CDH3: variants seen among roughly 807,000 people sequenced by gnomAD.
CDH3 encodes the protein cadherin-3.
CDH3 carries 54 observed loss-of-function variants against 82.0 expected under a neutral mutation model. The observed-to-expected ratio is 0.66, with a 90% CI of 0.53 to 0.83. CDH3 has a LOEUF of 0.83. CDH3 is among the 40% of genes least tolerant of loss of function. The pLI is 0.00. For missense variants in CDH3, 1,054 were observed against 1,084.6 expected (o/e 0.97, Z 0.40); for synonymous variants, 446 against 437.9 (o/e 1.02, Z -0.23).
At chr16:68,664,744 G>A (rs1050089421) in intron 2 of CDH3, among the ~76,000 whole-genome samples, 1 of 151,982 alleles carries the variant, frequency 6.6e-6, no homozygotes, top group Non-Finnish European at 1.5e-5. Flanking sequence ...CTGCAGCCTT[G>A]ATCTCCCAGG....
In CDH3 at chr16:68,698,180, T is replaced by C. The variant is rs1353474312; in HGVS notation, c.2281-11T>C. ...CCGCCGCTCCTAACTACCTGTTCTC[T>C]GTTGCCGCAGAACCTGAAGGCGGCT... On this transcript the variant is annotated splice_polypyrimidine_tract_variant and intron_variant, in intron 15 of 15. Transcript: ENST00000264012. The C allele has an allele frequency of 6.2e-7, 1 of 1,613,988 alleles. No homozygotes were observed. Among genetic ancestry groups the C allele is most frequent in the Non-Finnish European group, 8.5e-7 (1 of 1,179,958 alleles).
intron 9 of CDH3, among the ~76,000 whole-genome samples, 193 bp downstream of exon 9, chr16:68,682,680 C>T (rs868371491): frequency 1.3e-5 from 2 of 152,192 alleles, no homozygotes; most frequent in Non-Finnish European, 2.9e-5. Context: ...GAGCCCACTT[C>T]ATAAATAGGT....
chr16:68,711,606 ACGGGGAAGTGGCC>A, intron 1 of CDH3, among the ~76,000 whole-genome samples: 1 of 152,084 alleles, frequency 6.6e-6, no homozygotes, highest in Non-Finnish European at 1.5e-5. Context: ...TGGAGAGGGG[ACGGGGAAGTGGCC>A]AGCAGCTGGA....
chr16:68,679,806 T>C lies in CDH3; in HGVS notation c.699T>C (p.Ser233=). ...SVLEGVLPGT[S]VMQVTATDED... is the part of the protein sequence containing the mutation. Reference sequence around the variant, plus strand: ...CTCATCCCTTCTCTCCAGGTACTTCTGTGATGCAGGTGACAGCCACGGATG... The same window carrying C: ...CTCATCCCTTCTCTCCAGGTACTTCCGTGATGCAGGTGACAGCCACGGATG... The change falls in exon 7 of 16, where the codon TCT becomes TCC. Residue 233 remains serine (S), a synonymous_variant. Transcript: ENST00000264012. 1 of 1,612,096 alleles carries C rather than the reference T, an allele frequency of 6.2e-7. No homozygotes were observed. Among genetic ancestry groups the C allele is most frequent in the Non-Finnish European group, 8.5e-7 (1 of 1,178,430 alleles).
At chr16:68,723,050 CT>C (rs61216517) in intron 2 of CDH3, among the ~76,000 whole-genome samples, 106,856 of 145,526 alleles carry the variant, frequency 0.73, 40,700 homozygotes, top group Non-Finnish European at 0.85. Context: ...GCCTCTATTA[CT>C]TTTTTTTTTT....
chr16:68,658,766 C>T (rs1431584919), intron 2 of CDH3, among the ~76,000 whole-genome samples: 1 of 152,134 alleles, frequency 6.6e-6, no homozygotes, highest in African/African-American at 2.4e-5. Context: ...TTTCCGCTTC[C>T]AGAAGTCTCC....
chr16:68,695,074 C>T (rs1463875124), intron 13 of CDH3, among the ~76,000 whole-genome samples, 181 bp from the exon 14 acceptor site: 3 of 152,126 alleles, frequency 2.0e-5, no homozygotes, highest in Non-Finnish European at 4.4e-5. Context: ...AGGCTGGGAC[C>T]AAATCTTGCC....
intron 2 of CDH3, among the ~76,000 whole-genome samples, chr16:68,653,691 C>CT (rs1249416453): frequency 0.017 from 2,288 of 136,936 alleles, 57 homozygotes; most frequent in African/African-American, 0.049. Context: ...TCTTTTCTTT[C>CT]TTTTTTTTTT....
At chr16:68,703,397 G>GC (rs2152109027), downstream of CDH3, among the ~76,000 whole-genome samples, 1 of 152,322 alleles carries the variant, frequency 6.6e-6, no homozygotes, top group Non-Finnish European at 1.5e-5. Flanking sequence ...GGGCCCTGAG[G>GC]CGATGGGCCT....
In CDH3 at chr16:68,645,662, C is replaced by T. The variant is rs547785271; in HGVS notation, c.72C>T (p.Ser24=). ...LQVCWLQCAA[S]EPCRAVFREA... The stretch of plus-strand genomic sequence containing the variant: ...TTTGCTGGCTGCAGTGCGCGGCCTC[C>T]GAGCCGTGCCGGGCGGTCTTCAGGG... Residue 24 remains serine (S), a synonymous_variant, in exon 2 of 16, where the codon TCC becomes TCT. Coordinates refer to ENST00000264012, the MANE Select transcript of CDH3 (RefSeq NM_001793.6). 3.2e-6 allele frequency: 5 copies of T among 1,543,554 alleles called. No individual in the cohort carries two copies. The highest frequency in any genetic ancestry group is 3.9e-5 in the Admixed American group (2 of 50,988).
chr16:68,694,272 C>A (rs546870286), intron 13 of CDH3, among the ~76,000 whole-genome samples: 1 of 140,480 alleles, frequency 7.1e-6, no homozygotes, highest in Non-Finnish European at 1.5e-5. Flanking sequence ...AAGATCCTGA[C>A]ACTGCACTCC....
At position 68,684,671 on chromosome 16, in the gene CDH3, C is replaced by T; in HGVS notation, c.1271C>T (p.Thr424Ile). ...APFVLKLPTS[T>I]ATIVVHVEDV... ...TTTGTGCTGAAGCTCCCAACCTCCA[C>T]AGCCACCATAGTGGTCCACGTGGAG... Residue 424 changes from threonine to isoleucine, a missense_variant, in exon 10 of 16, where the codon ACA becomes ATA. Physicochemically the swap from Thr to Ile is moderately conservative, Grantham distance 89. Transcript: ENST00000264012. 1.2e-6 allele frequency: 2 copies of T among 1,614,228 alleles called. No homozygotes were observed. Among genetic ancestry groups the T allele is most frequent in the Non-Finnish European group, 8.5e-7 (1 of 1,180,034 alleles).
In CDH3 at chr16:68,698,917, T is replaced by C. The variant is rs955142051; in HGVS notation, c.*517T>C. 1 of 160,766 alleles carries C rather than the reference T, an allele frequency of 6.2e-6. No homozygotes were observed. The highest frequency in any genetic ancestry group is 6.0e-5 in the Admixed American group (1 of 16,696). 10.0% of individuals were successfully genotyped at this position (160,766 alleles called of 1,614,324 possible). A position where few individuals can be genotyped will look rare whatever the true frequency, so the allele number is the denominator to read the frequency against. On this transcript the variant is annotated 3_prime_UTR_variant, in exon 16 of 16. Coordinates refer to ENST00000264012, the MANE Select transcript of CDH3 (RefSeq NM_001793.6). ...CCATTCGGATGGATCTCTGCGTTTTTATACTGAGTGTGCCTAGGTTGCCCC... is the reference window on the plus strand; with the variant it reads ...CCATTCGGATGGATCTCTGCGTTTTCATACTGAGTGTGCCTAGGTTGCCCC...
intron 2 of CDH3, among the ~76,000 whole-genome samples, chr16:68,663,906 G>A (rs1960666051): frequency 6.6e-6 from 1 of 151,770 alleles, no homozygotes; most frequent in African/African-American, 2.4e-5. Context: ...ATGCTGGTGT[G>A]CTGCACCCAT....
At chr16:68,647,988 T>G (rs1960126136) in intron 2 of CDH3, among the ~76,000 whole-genome samples, 1 of 152,222 alleles carries the variant, frequency 6.6e-6, no homozygotes, top group Non-Finnish European at 1.5e-5. Context: ...TCTGATGTAA[T>G]TAATGCCTTG....
chr16:68,645,506 G>A (rs1389566413), intron 1 of CDH3, 82 bp downstream of exon 1: 10 of 1,511,696 alleles, frequency 6.6e-6, no homozygotes, highest in Non-Finnish European at 9.0e-6. Flanking sequence ...GTGGCGTCGG[G>A]GAGAGCGCGG....
chr16:68,733,697 G>A, the CDH3 span, among the ~76,000 whole-genome samples: 13 of 152,174 alleles, frequency 8.5e-5, no homozygotes, highest in Non-Finnish European at 1.3e-4. Context: ...AGCCGAGATC[G>A]CGCCATTGCA....
At chr16:68,665,467 GGTGTGTGT>G (rs140235574) in intron 2 of CDH3, among the ~76,000 whole-genome samples, 1 of 151,314 alleles carries the variant, frequency 6.6e-6, no homozygotes, top group African/African-American at 2.4e-5. Context: ...AGCACCTGGG[GGTGTGTGT>G]GTGTGTGTAT....
intron 3 of CDH3, 55 bp downstream of exon 3, chr16:68,676,525 CA>C: frequency 7.1e-7 from 1 of 1,408,160 alleles, no homozygotes; most frequent in Non-Finnish European, 1.0e-6. Context: ...TGTGCATGCC[CA>C]AATTGCTGGC....
Sources: gnomAD v4.1 joint callset for allele counts (sites outside exome capture counted in the v4.1 genomes callset) on GRCh38, gnomAD v4.1.1 for gene constraint, MANE v1.5 for transcripts, NCBI Gene and HGNC (gene_info 2026-07-23, HGNC 2026-07-21) for gene names.